The following CECR2 variants were observed in gnomAD, a reference collection of about 807,000 sequenced individuals.
CECR2 encodes CECR2 histone acetyl-lysine reader, also known as chromatin remodeling regulator CECR2.
In CECR2, 30 loss-of-function variants were observed where a neutral mutation model predicts 154.5. That is an observed-to-expected ratio of 0.19 (90% CI 0.15 to 0.26). The LOEUF (loss-of-function observed/expected upper bound fraction) is 0.26, where lower values mean the gene tolerates loss of function less well. Ranked by LOEUF, CECR2 falls within the 10% of genes least tolerant of loss-of-function variation. The pLI, the probability that CECR2 is intolerant of heterozygous loss-of-function variation, is 1.00. For missense variants in CECR2, 1,743 were observed against 1,829.3 expected (o/e 0.95, Z 0.86); for synonymous variants, 725 against 683.7 (o/e 1.06, Z -0.94).
At chr22:17,469,857 A>C (rs1374881513) in intron 1 of CECR2, among the ~76,000 whole-genome samples, 3 of 152,174 alleles carry the variant, frequency 2.0e-5, no homozygotes, top group African/African-American at 7.2e-5. Flanking sequence ...TCCTCATAGC[A>C]GCATGCCTCT....
At chr22:17,519,296 T>TG (rs2056114953) in intron 8 of CECR2, among the ~76,000 whole-genome samples, 1 of 147,546 alleles carries the variant, frequency 6.8e-6, no homozygotes, top group African/African-American at 2.6e-5. Context: ...TTTTGTGTTT[T>TG]TTTTTTTTTT....
intron 1 of CECR2, 120 bp downstream of exon 1, chr22:17,370,029 G>C (rs1325818283): frequency 6.6e-6 from 1 of 151,314 alleles, no homozygotes; most frequent in Non-Finnish European, 1.5e-5. Context: ...GCCGGGAGTC[G>C]GGGGCCAGGA....
intron 1 of CECR2, among the ~76,000 whole-genome samples, chr22:17,371,428 A>C (rs1377899905): frequency 6.6e-6 from 1 of 152,210 alleles, no homozygotes; most frequent in East Asian, 1.9e-4. Flanking sequence ...TTGAACGTGA[A>C]TGTAGCAAGC....
intron 9 of CECR2, among the ~76,000 whole-genome samples, chr22:17,525,888 G>A (rs1436700333): frequency 6.6e-6 from 1 of 152,086 alleles, no homozygotes; most frequent in Non-Finnish European, 1.5e-5. Context: ...GATTAATAAT[G>A]CCTGTATTGT....
intron 1 of CECR2, among the ~76,000 whole-genome samples, chr22:17,404,279 C>CAAA (rs375565396): frequency 3.2e-5 from 2 of 62,874 alleles, no homozygotes; most frequent in Admixed American, 2.5e-4. Context: ...ACCCCCCTGC[C>CAAA]AAAAAAAAAA....
chr22:17,417,019 CTT>C lies in CECR2; in HGVS notation c.126+47125_126+47126del, dbSNP rs11306557. On this transcript the variant is annotated intron_variant, in intron 1 of 18. Transcript: ENST00000262608. ...TATATCACATCAACATTGTCAGATT[CTT>C]TTTTTTTTTTTTTTACGACAAAGGG... Among the ~76,000 whole-genome samples, 564 of 142,098 alleles carry C rather than the reference CTT, an allele frequency of 4.0e-3. 2 individuals carry two copies. The highest frequency in any genetic ancestry group is 8.0e-3 in the African/African-American group (314 of 39,274). The allele number at this position is 142,098 out of a possible 152,430, so 93.2% of individuals were successfully genotyped here.
intron 1 of CECR2, among the ~76,000 whole-genome samples, chr22:17,395,832 AGTT>A (rs2053800852): frequency 6.6e-6 from 1 of 152,096 alleles, no homozygotes. Flanking sequence ...AAGGGTAATA[AGTT>A]GTTTATTTTT....
chr22:17,390,462 TACGTTGTGGGGAGATACTTTGCAA>T (rs1257756014), intron 1 of CECR2, among the ~76,000 whole-genome samples: 1 of 152,218 alleles, frequency 6.6e-6, no homozygotes, highest in African/African-American at 2.4e-5. Context: ...AATTAACAAG[TACGTTGTGGGGAGATACTTTGCAA>T]ACATCCTGTT....
chr22:17,532,324 A>G (rs2056367981), intron 9 of CECR2, among the ~76,000 whole-genome samples: 2 of 152,218 alleles, frequency 1.3e-5, no homozygotes, highest in African/African-American at 4.8e-5. Flanking sequence ...AGTTATTGAC[A>G]GGGTTTCACT....
intron 8 of CECR2, among the ~76,000 whole-genome samples, chr22:17,513,303 C>T (rs1035134169): frequency 2.6e-5 from 4 of 152,316 alleles, no homozygotes; most frequent in South Asian, 2.1e-4. Context: ...GTTCAGTGAT[C>T]GTAGAGAGTT....
At chr22:17,471,936 A>T (rs937598880) in intron 1 of CECR2, among the ~76,000 whole-genome samples, 4 of 152,194 alleles carry the variant, frequency 2.6e-5, no homozygotes, top group African/African-American at 4.8e-5. Context: ...AGAAAACCCT[A>T]TTCTAGATTT....
chr22:17,546,271 A>C (rs1222814260), intron 16 of CECR2, among the ~76,000 whole-genome samples: 1 of 151,340 alleles, frequency 6.6e-6, no homozygotes, highest in African/African-American at 2.4e-5. Flanking sequence ...GTGGATCACG[A>C]GGTCAGGAAA....
At position 17,428,826 on chromosome 22, in the gene CECR2, G is replaced by GTGTGTGTGTGTGTATATA. The variant is rs369291932; in HGVS notation, c.127-48761_127-48760insGTGTGTGTGTGTATATAT. Among the ~76,000 whole-genome samples the GTGTGTGTGTGTGTATATA allele has an allele frequency of 4.8e-3, 730 of 150,684 alleles. 3 individuals are homozygous for GTGTGTGTGTGTGTATATA. The highest frequency in any genetic ancestry group is 0.016 in the African/African-American group (637 of 40,822). On this transcript the variant is annotated intron_variant, in intron 1 of 18. Coordinates refer to ENST00000262608, the MANE Select transcript of CECR2 (RefSeq NM_001290047.2). The stretch of plus-strand genomic sequence containing the variant: ...TGTGTGTGTGTGTGTGTGTGTGTGT[G>GTGTGTGTGTGTGTATATA]TATATAAAGGCAGCAGAGTCATCTG...
chr22:17,466,098 C>G (rs1249304951), intron 1 of CECR2, among the ~76,000 whole-genome samples: 1 of 151,886 alleles, frequency 6.6e-6, no homozygotes, highest in Non-Finnish European at 1.5e-5. Context: ...CTCGTCGGCT[C>G]ACTGCAACCT....
chr22:17,485,971 G>A (rs569193873), intron 2 of CECR2, among the ~76,000 whole-genome samples: 5 of 152,090 alleles, frequency 3.3e-5, no homozygotes, highest in African/African-American at 1.2e-4. Context: ...TTAAAACGTG[G>A]GTTTTGTTTG....
At chr22:17,551,974 C>T (rs1028813726) in intron 17 of CECR2, 57 bp from the exon 18 acceptor site, 3 of 1,537,758 alleles carry the variant, frequency 2.0e-6, no homozygotes, top group East Asian at 4.5e-5. Flanking sequence ...TGTCTTGTTT[C>T]TTCTGTCGTT....
chr22:17,422,030 C>CTT (rs370302239), intron 1 of CECR2, among the ~76,000 whole-genome samples: 21,248 of 151,758 alleles, frequency 0.14, 3,532 homozygotes, highest in African/African-American at 0.4. Context: ...TCACTCCCCT[C>CTT]GTCTTGCTTG....
At chr22:17,449,645 A>T (rs908626592) in intron 1 of CECR2, among the ~76,000 whole-genome samples, 8 of 151,240 alleles carry the variant, frequency 5.3e-5, no homozygotes, top group African/African-American at 1.7e-4. Context: ...GCCCGCCACC[A>T]CGCCCGGCTA....
upstream of CECR2, among the ~76,000 whole-genome samples, chr22:17,367,284 T>C (rs1469821885): frequency 6.6e-6 from 1 of 152,130 alleles, no homozygotes; most frequent in African/African-American, 2.4e-5. Context: ...TCCTAGGCAC[T>C]AATATTACTA....
Sources: gnomAD v4.1 joint callset for allele counts (sites outside exome capture counted in the v4.1 genomes callset) on GRCh38, gnomAD v4.1.1 for gene constraint, MANE v1.5 for transcripts, NCBI Gene and HGNC (gene_info 2026-07-23, HGNC 2026-07-21) for gene names.